DPP10: variants seen among roughly 807,000 people sequenced by gnomAD.
DPP10 encodes inactive dipeptidyl peptidase 10.
A neutral mutation model predicts 120.9 loss-of-function variants in DPP10; 33 were observed. The ratio of observed to expected loss-of-function variants is 0.27; its 90% CI spans 0.21 to 0.37. The LOEUF is 0.37. Among genes scored for constraint, DPP10 ranks in the 10% least tolerant of loss-of-function variants. DPP10 has a pLI of 1.00. For synonymous variants in DPP10, 337 were observed against 326.1 expected, an observed-to-expected ratio of 1.03 and a Z score of -0.36; for missense variants, 816 against 942.8, an observed-to-expected ratio of 0.87 and a Z score of 1.76.
intron 5 of DPP10, among the ~76,000 whole-genome samples, chr2:115,675,487 A>G (rs1311918081): frequency 6.6e-6 from 1 of 152,212 alleles, no homozygotes; most frequent in Admixed American, 6.5e-5. Flanking sequence ...AATGAAATTC[A>G]GCAAGGAAGT....
At chr2:115,326,690 T>A in intron 2 of DPP10, among the ~76,000 whole-genome samples, 1 of 151,958 alleles carries the variant, frequency 6.6e-6, no homozygotes. Context: ...TAGGCTAATA[T>A]GTGTGTGTTT....
intron 5 of DPP10, among the ~76,000 whole-genome samples, chr2:115,561,050 T>C (rs1426852740): frequency 2.0e-5 from 3 of 152,040 alleles, no homozygotes; most frequent in South Asian, 2.1e-4. Context: ...AATTTGCCTA[T>C]TGAAATCTCA....
rs112577165 is a variant in DPP10 at position 114,461,875 on chromosome 2, A to G, written c.60+19037A>G. On this transcript the variant is annotated intron_variant, in intron 1 of 25. Transcript: ENST00000410059. The stretch of plus-strand genomic sequence containing the variant: ...CTATAAGAAGAATGGAAAATGAAAA[A>G]GAGACAGGTGGAGAGAGGGAGGGAG... The G allele has an allele frequency of 1.1e-5, 11 of 985,470 alleles. No homozygotes were observed. In the African/African-American group the frequency reaches 1.2e-4, roughly 11 times the overall value. The allele number at this position is 985,470 out of a possible 1,614,324, so 61.0% of individuals were successfully genotyped here.
intron 1 of DPP10, among the ~76,000 whole-genome samples, chr2:114,489,351 T>C (rs769485508): frequency 1.3e-5 from 2 of 152,100 alleles, no homozygotes; most frequent in Non-Finnish European, 2.9e-5. Context: ...CCCTGGCCCA[T>C]GAAACAAAGG....
chr2:115,653,469 C>A (rs919720749), intron 5 of DPP10, among the ~76,000 whole-genome samples: 3 of 151,894 alleles, frequency 2.0e-5, no homozygotes, highest in Non-Finnish European at 4.4e-5. Context: ...AGATAATCTC[C>A]GCTGTCTAAA....
intron 1 of DPP10, among the ~76,000 whole-genome samples, chr2:115,111,816 T>G (rs2049237205): frequency 6.6e-6 from 1 of 152,208 alleles, no homozygotes. Context: ...AAACTGGGTT[T>G]AGTTTTTTCA....
chr2:115,824,950 C>T (rs1352487459), intron 21 of DPP10, among the ~76,000 whole-genome samples: 1 of 152,154 alleles, frequency 6.6e-6, no homozygotes, highest in Non-Finnish European at 1.5e-5. Context: ...AAACCTATTA[C>T]ATGGATACTA....
intron 1 of DPP10, among the ~76,000 whole-genome samples, chr2:115,276,297 G>C (rs567280784): frequency 1.3e-5 from 2 of 152,164 alleles, no homozygotes; most frequent in South Asian, 2.1e-4. Context: ...CCTGTCACTT[G>C]TATCAGTCAA....
At chr2:115,166,363 G>T (rs1048133735) in intron 1 of DPP10, among the ~76,000 whole-genome samples, 7 of 150,706 alleles carry the variant, frequency 4.6e-5, no homozygotes, top group Non-Finnish European at 7.4e-5. Flanking sequence ...ATATTTAATT[G>T]GGAGTAGAGT....
chr2:115,223,352 T>G (rs1338422984), intron 1 of DPP10, among the ~76,000 whole-genome samples: 2 of 152,176 alleles, frequency 1.3e-5, no homozygotes, highest in East Asian at 1.9e-4. Flanking sequence ...GAGCTAGGAT[T>G]CATAGGTTTA....
chr2:115,201,223 G>A (rs538876648), intron 1 of DPP10, among the ~76,000 whole-genome samples: 2 of 152,264 alleles, frequency 1.3e-5, no homozygotes, highest in Admixed American at 1.3e-4. Flanking sequence ...AGCACTTTGG[G>A]AGGCTGAAGC....
intron 1 of DPP10, among the ~76,000 whole-genome samples, chr2:114,582,252 A>G (rs906130865): frequency 6.6e-6 from 1 of 152,088 alleles, no homozygotes; most frequent in Admixed American, 6.5e-5. Flanking sequence ...AGTTTCCTCC[A>G]TGTCCTTTCA....
intron 19 of DPP10, among the ~76,000 whole-genome samples, chr2:115,807,195 T>G (rs749387176): frequency 6.6e-6 from 1 of 152,204 alleles, no homozygotes; most frequent in Non-Finnish European, 1.5e-5. Context: ...GGATAAGAAT[T>G]AATGTACTAA....
chr2:115,371,574 C>A (rs1327351608), intron 3 of DPP10, among the ~76,000 whole-genome samples: 1 of 151,996 alleles, frequency 6.6e-6, no homozygotes, highest in Non-Finnish European at 1.5e-5. Context: ...GTTTTTCTTG[C>A]TGCAAAACCA....
At chr2:115,162,933 G>C (rs1313949064) in intron 1 of DPP10, among the ~76,000 whole-genome samples, 1 of 152,120 alleles carries the variant, frequency 6.6e-6, no homozygotes, top group Non-Finnish European at 1.5e-5. Flanking sequence ...GGAGGAGGAG[G>C]AGGGAGGCTG....
intron 1 of DPP10, chr2:114,835,661 A>T (rs1687674968): frequency 2.0e-5 from 3 of 152,142 alleles, no homozygotes; most frequent in African/African-American, 7.2e-5. Flanking sequence ...GGAGGTCAAG[A>T]TCTTGTTTCC....
chr2:115,058,415 T>C (rs901242725), intron 1 of DPP10, among the ~76,000 whole-genome samples: 1 of 152,150 alleles, frequency 6.6e-6, no homozygotes, highest in Non-Finnish European at 1.5e-5. Context: ...TTTTATTTTA[T>C]TTTATTTTAT....
intron 1 of DPP10, among the ~76,000 whole-genome samples, chr2:114,925,693 T>C (rs1304782550): frequency 6.6e-6 from 1 of 152,138 alleles, no homozygotes; most frequent in African/African-American, 2.4e-5. Flanking sequence ...GCAAAGGGAA[T>C]GAAAACCCAG....
At chr2:115,576,314 G>T (rs929231446) in intron 5 of DPP10, among the ~76,000 whole-genome samples, 3 of 152,196 alleles carry the variant, frequency 2.0e-5, no homozygotes, top group African/African-American at 7.2e-5. Context: ...TTTTGAGACG[G>T]TAATTGGTTG....
Sources: gnomAD v4.1 joint callset for allele counts (sites outside exome capture counted in the v4.1 genomes callset) on GRCh38, gnomAD v4.1.1 for gene constraint, MANE v1.5 for transcripts, NCBI Gene and HGNC (gene_info 2026-07-23, HGNC 2026-07-21) for gene names.